Variants in SLC24A2 observed in about 807,000 individuals in gnomAD.
The protein encoded by SLC24A2 is sodium/potassium/calcium exchanger 2.
SLC24A2 carries 36 observed loss-of-function variants against 62.0 expected under a neutral mutation model. The ratio of observed to expected loss-of-function variants is 0.58; its 90% CI spans 0.44 to 0.77. The LOEUF is 0.77. SLC24A2 is among the 30% of genes least tolerant of loss of function. The probability of loss-of-function intolerance (pLI) is 0.00; values close to 1 mark genes in which losing one functional copy is unlikely to be tolerated. For missense variants in SLC24A2, 846 were observed against 817.9 expected, an observed-to-expected ratio of 1.03 and a Z score of -0.42; for synonymous variants, 358 against 294.0, an observed-to-expected ratio of 1.22 and a Z score of -2.23.
chr9:20,243,900 C>G, the SLC24A2 span, among the ~76,000 whole-genome samples: 2 of 151,996 alleles, frequency 1.3e-5, no homozygotes, highest in African/African-American at 4.8e-5. Flanking sequence ...GATAATTTCT[C>G]AGGTTTCTTT....
At chr9:20,016,022 C>G in the SLC24A2 span, among the ~76,000 whole-genome samples, 1 of 152,118 alleles carries the variant, frequency 6.6e-6, no homozygotes, top group Admixed American at 6.5e-5. Flanking sequence ...AGTGTAATAA[C>G]AAATTTTAAA....
At chr9:20,077,463 T>C in the SLC24A2 span, among the ~76,000 whole-genome samples, 1 of 152,118 alleles carries the variant, frequency 6.6e-6, no homozygotes, top group African/African-American at 2.4e-5. Context: ...ACAAAGTAGC[T>C]AGAATTCCAG....
At chr9:20,175,557 G>A in the SLC24A2 span, among the ~76,000 whole-genome samples, 1 of 151,656 alleles carries the variant, frequency 6.6e-6, no homozygotes, top group Non-Finnish European at 1.5e-5. Flanking sequence ...AAATATATGT[G>A]GGAAAATTAT....
chr9:19,972,135 C>T, the SLC24A2 span, among the ~76,000 whole-genome samples: 3 of 151,922 alleles, frequency 2.0e-5, no homozygotes, highest in African/African-American at 7.3e-5. Flanking sequence ...GTTTCTGACA[C>T]TGCATGGTCA....
chr9:20,022,985 G>C, the SLC24A2 span, among the ~76,000 whole-genome samples: 1 of 152,150 alleles, frequency 6.6e-6, no homozygotes, highest in Non-Finnish European at 1.5e-5. Context: ...GCCAATAGCA[G>C]ACATAATATG....
intron 2 of SLC24A2, among the ~76,000 whole-genome samples, chr9:19,651,747 G>A (rs1380832707): frequency 1.3e-5 from 2 of 152,200 alleles, no homozygotes; most frequent in Admixed American, 1.3e-4. Context: ...GTCAAGCTAA[G>A]ATTAGGATTG....
At chr9:20,059,011 C>T in the SLC24A2 span, among the ~76,000 whole-genome samples, 2 of 152,286 alleles carry the variant, frequency 1.3e-5, no homozygotes, top group African/African-American at 2.4e-5. Flanking sequence ...AGTGCATTGA[C>T]TGTAGATAAG....
chr9:19,788,747 C>A, intron 1 of SLC24A2, 138 bp downstream of exon 1: 2 of 985,414 alleles, frequency 2.0e-6, no homozygotes, highest in Non-Finnish European at 2.4e-6. Context: ...TAACTCCTAG[C>A]GGGGCCTGGG....
the SLC24A2 span, among the ~76,000 whole-genome samples, chr9:20,149,575 C>T: frequency 3.9e-5 from 6 of 151,960 alleles, no homozygotes; most frequent in Non-Finnish European, 1.5e-5. Context: ...CTACATCATG[C>T]AATCAGTTAC....
the SLC24A2 span, among the ~76,000 whole-genome samples, chr9:19,909,671 AG>A: frequency 6.6e-6 from 1 of 152,162 alleles, no homozygotes; most frequent in Non-Finnish European, 1.5e-5. Context: ...TCTGGTGATT[AG>A]AGTCACTCTT....
At chr9:19,636,327 C>CCT (rs1332996907) in intron 2 of SLC24A2, among the ~76,000 whole-genome samples, 6 of 20,744 alleles carry the variant, frequency 2.9e-4, no homozygotes, top group African/African-American at 1.3e-3. Context: ...TTCTTTCTTT[C>CCT]TTTCTTTCTT....
the SLC24A2 span, among the ~76,000 whole-genome samples, chr9:19,911,688 C>G: frequency 6.6e-6 from 1 of 152,278 alleles, no homozygotes; most frequent in African/African-American, 2.4e-5. Context: ...GAATATCCAG[C>G]TTCTCTTCCT....
the SLC24A2 span, among the ~76,000 whole-genome samples, chr9:20,110,109 C>G: frequency 6.6e-6 from 1 of 152,086 alleles, no homozygotes; most frequent in Non-Finnish European, 1.5e-5. Flanking sequence ...ACTACTCACT[C>G]ATTTCATGAA....
chr9:19,674,697 T>G (rs1819513895), intron 2 of SLC24A2, among the ~76,000 whole-genome samples: 1 of 152,222 alleles, frequency 6.6e-6, no homozygotes, highest in Non-Finnish European at 1.5e-5. Context: ...AGTGTGTCCT[T>G]CCTTTCCAGA....
the SLC24A2 span, among the ~76,000 whole-genome samples, chr9:19,887,600 G>T: frequency 6.6e-6 from 1 of 152,188 alleles, no homozygotes; most frequent in Non-Finnish European, 1.5e-5. Flanking sequence ...TAACACTGCT[G>T]GTGGAATGTA....
chr9:19,987,292 A>G, the SLC24A2 span, among the ~76,000 whole-genome samples: 1 of 152,166 alleles, frequency 6.6e-6, no homozygotes, highest in African/African-American at 2.4e-5. Context: ...GAGAAGAGCT[A>G]TACGATACCT....
the SLC24A2 span, among the ~76,000 whole-genome samples, chr9:20,235,474 C>T: frequency 1.3e-5 from 2 of 152,360 alleles, no homozygotes; most frequent in African/African-American, 2.4e-5. Flanking sequence ...GCAGTTTGAT[C>T]TCGGATTGCT....
the SLC24A2 span, among the ~76,000 whole-genome samples, chr9:19,884,895 A>G: frequency 2.6e-5 from 4 of 152,162 alleles, no homozygotes; most frequent in Non-Finnish European, 1.5e-5. Flanking sequence ...TATTAAATAC[A>G]TTTTTGACTT....
intron 2 of SLC24A2, among the ~76,000 whole-genome samples, chr9:19,714,833 C>CT (rs1230017335): frequency 2.6e-5 from 4 of 152,040 alleles, no homozygotes; most frequent in African/African-American, 4.8e-5. Context: ...TAACTATAGT[C>CT]TTTATGTCGT....
Sources: allele counts gnomAD v4.1 joint callset (sites outside exome capture counted in the v4.1 genomes callset), GRCh38; gene constraint gnomAD v4.1.1; transcripts MANE v1.5; gene names NCBI Gene and HGNC (gene_info 2026-07-23, HGNC 2026-07-21).